The following CDH13 variants were observed in gnomAD, a reference collection of about 807,000 sequenced individuals.
The protein encoded by CDH13 is cadherin-13.
In CDH13, 24 loss-of-function variants were observed where a neutral mutation model predicts 63.8. The observed-to-expected ratio is 0.38, with a 90% confidence interval of 0.27 to 0.53. The LOEUF is 0.53. CDH13 is among the 20% of genes least tolerant of loss of function. The pLI, the probability that CDH13 is intolerant of heterozygous loss-of-function variation, is 0.85. For synonymous variants in CDH13, 503 were observed against 355.3 expected, an observed-to-expected ratio of 1.42 and a Z score of -4.67; for missense variants, 1,049 against 903.1, an observed-to-expected ratio of 1.16 and a Z score of -2.07.
intron 8 of CDH13, among the ~76,000 whole-genome samples, chr16:83,619,430 T>C (rs1909600460): frequency 6.6e-6 from 1 of 152,234 alleles, no homozygotes; most frequent in African/African-American, 2.4e-5. Flanking sequence ...TGGGCTGCCA[T>C]AACAAGGTAT....
At chr16:83,127,859 C>A (rs1023138553) in intron 4 of CDH13, among the ~76,000 whole-genome samples, 3 of 152,114 alleles carry the variant, frequency 2.0e-5, no homozygotes, top group African/African-American at 7.2e-5. Flanking sequence ...AAGCAAAAAT[C>A]TTTTTAAGAG....
At chr16:82,764,981 A>C (rs1251896674) in intron 1 of CDH13, among the ~76,000 whole-genome samples, 3 of 151,900 alleles carry the variant, frequency 2.0e-5, no homozygotes. Context: ...TGCCTGGCTA[A>C]TTTCTTGTAT....
At chr16:82,645,483 C>G (rs1036094222) in intron 1 of CDH13, among the ~76,000 whole-genome samples, 1 of 151,830 alleles carries the variant, frequency 6.6e-6, no homozygotes, top group East Asian at 1.9e-4. Flanking sequence ...TTTTTCACAA[C>G]CTGGGGAGGG....
chr16:83,056,089 A>G (rs544169489), intron 3 of CDH13, among the ~76,000 whole-genome samples: 1 of 152,334 alleles, frequency 6.6e-6, no homozygotes, highest in South Asian at 2.1e-4. Context: ...ATGACCACTA[A>G]ACATATTAAA....
At chr16:82,848,587 G>T (rs1247171220) in intron 1 of CDH13, among the ~76,000 whole-genome samples, 10 of 147,300 alleles carry the variant, frequency 6.8e-5, no homozygotes, top group South Asian at 4.3e-4. Flanking sequence ...TTTTTTGGGT[G>T]GGGGGAGGCA....
At chr16:83,549,139 G>A (rs11149578) in intron 7 of CDH13, among the ~76,000 whole-genome samples, 44,942 of 151,970 alleles carry the variant, frequency 0.3, 6,726 homozygotes, top group Middle Eastern at 0.36. Flanking sequence ...TTCACATGTC[G>A]TTAACGGAGC....
chr16:83,198,852 C>G (rs951859500), intron 4 of CDH13, among the ~76,000 whole-genome samples: 7 of 152,168 alleles, frequency 4.6e-5, no homozygotes, highest in African/African-American at 1.7e-4. Context: ...ACTGGCAACT[C>G]TGTGGTACTA....
intron 2 of CDH13, among the ~76,000 whole-genome samples, chr16:82,944,992 T>G (rs886567796): frequency 4.6e-5 from 7 of 152,172 alleles, no homozygotes; most frequent in Non-Finnish European, 1.0e-4. Context: ...ATTATACTGG[T>G]AATCTGACAG....
chr16:82,870,644 G>A (rs987856798), intron 2 of CDH13, among the ~76,000 whole-genome samples: 1 of 152,068 alleles, frequency 6.6e-6, no homozygotes, highest in African/African-American at 2.4e-5. Flanking sequence ...AAATTGGAAT[G>A]TCCCTAACAC....
intron 5 of CDH13, among the ~76,000 whole-genome samples, chr16:83,329,279 G>GC (rs1223009278): frequency 6.6e-6 from 1 of 152,156 alleles, no homozygotes; most frequent in Non-Finnish European, 1.5e-5. Flanking sequence ...AGGCTGGAGT[G>GC]CAGTGGCACA....
chr16:83,207,209 A>T (rs1470355426), intron 4 of CDH13, among the ~76,000 whole-genome samples: 1 of 152,138 alleles, frequency 6.6e-6, no homozygotes, highest in Non-Finnish European at 1.5e-5. Flanking sequence ...CATCTTCCTC[A>T]CCTTAAACTC....
intron 1 of CDH13, among the ~76,000 whole-genome samples, chr16:82,757,698 C>T (rs2034670374): frequency 8.1e-6 from 1 of 123,488 alleles, no homozygotes; most frequent in East Asian, 2.4e-4. Context: ...GGCTGGAGCG[C>T]AGTGGTGCGA....
chr16:83,204,034 C>G (rs16959758), intron 4 of CDH13, among the ~76,000 whole-genome samples: 5,318 of 152,278 alleles, frequency 0.035, 317 homozygotes, highest in African/African-American at 0.12. Context: ...GAAATCGAGA[C>G]TTTGAAGTCC....
intron 1 of CDH13, among the ~76,000 whole-genome samples, chr16:82,712,328 A>G (rs942500778): frequency 6.6e-6 from 1 of 152,142 alleles, no homozygotes; most frequent in South Asian, 2.1e-4. Flanking sequence ...TTGAAGCACA[A>G]ACCTCCACAA....
At chr16:82,768,459 G>A (rs1439495901) in intron 1 of CDH13, among the ~76,000 whole-genome samples, 1 of 152,170 alleles carries the variant, frequency 6.6e-6, no homozygotes, top group South Asian at 2.1e-4. Flanking sequence ...TGGAGGTTAG[G>A]CAATAAGGAA....
At position 83,217,326 on chromosome 16, in the gene CDH13, T is replaced by A. The variant is rs1397077646; in HGVS notation, c.484-19T>A. 6.2e-7 allele frequency: 1 copy of A among 1,613,454 alleles called. No homozygotes were observed. Among genetic ancestry groups the A allele is most frequent in the Non-Finnish European group, 8.5e-7 (1 of 1,179,714 alleles). On this transcript the variant is annotated intron_variant, in intron 4 of 13. Transcript: ENST00000567109. ...TGTTTTCCAGGCAGTTTTAAATGTC[T>A]CTCTGTTTTTCTGACTAGGTAGTCG...
chr16:82,751,473 C>G (rs556279350), intron 1 of CDH13, among the ~76,000 whole-genome samples: 8 of 152,266 alleles, frequency 5.3e-5, no homozygotes, highest in Admixed American at 5.2e-4. Flanking sequence ...ACAAGGCACA[C>G]ACTGACCTCC....
chr16:83,131,894 G>C (rs1302458380), intron 4 of CDH13, among the ~76,000 whole-genome samples: 1 of 152,166 alleles, frequency 6.6e-6, no homozygotes, highest in Non-Finnish European at 1.5e-5. Flanking sequence ...TTGATCATTA[G>C]ACTAAATCAT....
intron 5 of CDH13, among the ~76,000 whole-genome samples, chr16:83,261,303 C>A (rs532640840): frequency 1.3e-5 from 2 of 152,148 alleles, no homozygotes; most frequent in Non-Finnish European, 2.9e-5. Context: ...ATTACCGATA[C>A]GTTAACTTCA....
Sources: gnomAD v4.1 joint callset for allele counts (sites outside exome capture counted in the v4.1 genomes callset) on GRCh38, gnomAD v4.1.1 for gene constraint, MANE v1.5 for transcripts, NCBI Gene and HGNC (gene_info 2026-07-23, HGNC 2026-07-21) for gene names.